The following AGO2 variants were observed in gnomAD, a reference collection of about 807,000 sequenced individuals.
The protein encoded by AGO2 is argonaute RISC catalytic component 2.
Under a neutral mutation model 102.3 loss-of-function variants are expected in AGO2, and 5 were observed. The observed-to-expected ratio is 0.05, with a 90% CI of 0.03 to 0.10. The LOEUF is 0.10. Ranked by LOEUF, AGO2 falls within the 10% of genes least tolerant of loss-of-function variation. AGO2 has a pLI of 1.00. For synonymous variants in AGO2, 449 were observed against 473.1 expected (o/e 0.95, Z 0.66); for missense variants, 541 against 1,183.7 (o/e 0.46, Z 7.97).
intron 1 of AGO2, among the ~76,000 whole-genome samples, chr8:140,587,968 C>T (rs1379477606): frequency 6.6e-6 from 1 of 152,154 alleles, no homozygotes; most frequent in Non-Finnish European, 1.5e-5. Flanking sequence ...ATCCAAGACT[C>T]GACCTCACCT....
chr8:140,589,133 T>C lies in AGO2; in HGVS notation c.23-3822A>G, dbSNP rs1364897482. Among the ~76,000 whole-genome samples the C allele has an allele frequency of 1.3e-5, 2 of 152,154 alleles. No individual in the cohort carries two copies. The highest frequency in any genetic ancestry group is 4.8e-5 in the African/African-American group (2 of 41,430). On this transcript the variant is annotated intron_variant, in intron 1 of 18. Transcript: ENST00000220592. The surrounding 1 kb of genome is among the most constrained non-coding windows in gnomAD (Gnocchi z 4.2). ...TCGGAGTTGGCTCCTCCCCGACTTT[T>C]CAGGGAGGGATGTGGAGCAGACTCT...
Position 140,556,007 on chromosome 8 carries a change from T to C in AGO2, c.1158A>G (p.Ala386=), listed in dbSNP as rs761733485. The change falls in exon 10 of 19, where the codon GCA becomes GCG. Residue 386 remains alanine (A), a synonymous_variant. Coordinates refer to ENST00000220592, the MANE Select transcript of AGO2 (RefSeq NM_012154.5). Reference sequence around the variant, plus strand: ...GGACGTATGGATCTGTGTTGAAACTTGCACTTCGCATCTGGCAAAGGGAAA... The same window carrying C: ...GGACGTATGGATCTGTGTTGAAACTCGCACTTCGCATCTGGCAAAGGGAAA... The part of the protein sequence containing the change: ...QEEISKLMRS[A]SFNTDPYVRE... The C allele has an allele frequency of 6.2e-7, 1 of 1,614,170 alleles. No homozygotes were observed.
chr8:140,572,983 G>A (rs1270488439), intron 2 of AGO2, 51 bp from the exon 3 acceptor site: 4 of 1,568,580 alleles, frequency 2.6e-6, no homozygotes, highest in Non-Finnish European at 2.6e-6. Context: ...GGAGAAAATG[G>A]CATACAAGGA....
At chr8:140,544,536 C>T (rs1300012700) in intron 13 of AGO2, among the ~76,000 whole-genome samples, 1 of 151,826 alleles carries the variant, frequency 6.6e-6, no homozygotes, top group African/African-American at 2.4e-5. Context: ...GTACTCCAGA[C>T]CAGATGGGCC....
At position 140,566,918 on chromosome 8, in the gene AGO2, G is replaced by A. The variant is rs558979771; in HGVS notation, c.337-4284C>T. ...GTCCAGGTCACGGCGTGCAAGTGGAGTGAGCTTGGGAGTGGGAGAGCGCGT... is the reference window on the plus strand; with the variant it reads ...GTCCAGGTCACGGCGTGCAAGTGGAATGAGCTTGGGAGTGGGAGAGCGCGT... On this transcript the variant is annotated intron_variant, in intron 3 of 18. Coordinates refer to ENST00000220592, the MANE Select transcript of AGO2 (RefSeq NM_012154.5). Among the ~76,000 whole-genome samples, 4 of 152,364 alleles carry A rather than the reference G, an allele frequency of 2.6e-5. No homozygotes were observed. In the South Asian group the frequency reaches 8.3e-4, roughly 32 times the overall value.
chr8:140,573,242 T>G (rs1472062812), intron 2 of AGO2, among the ~76,000 whole-genome samples: 8 of 152,088 alleles, frequency 5.3e-5, no homozygotes, highest in Non-Finnish European at 1.2e-4. Flanking sequence ...CGATCTTGGC[T>G]CACTGCAATC....
At chr8:140,532,837 A>G (rs1043991806) in intron 17 of AGO2, 2 of 469,182 alleles carry the variant, frequency 4.3e-6, no homozygotes, top group East Asian at 4.0e-5. Flanking sequence ...TCTACTAAAA[A>G]TACAAAAAAA....
intron 1 of AGO2, among the ~76,000 whole-genome samples, chr8:140,606,761 AC>A (rs2074003343): frequency 6.6e-6 from 1 of 150,990 alleles, no homozygotes; most frequent in South Asian, 2.1e-4. Context: ...ACATGGCAAA[AC>A]CCCGTCTCTA....
At chr8:140,592,224 T>G (rs1462073709) in intron 1 of AGO2, 1 of 152,228 alleles carries the variant, frequency 6.6e-6, no homozygotes, top group Non-Finnish European at 1.5e-5. Flanking sequence ...GGGCAACTGA[T>G]GAGACCACAG....
intron 10 of AGO2, among the ~76,000 whole-genome samples, chr8:140,553,871 G>C (rs1328198909): frequency 1.3e-5 from 2 of 151,672 alleles, no homozygotes; most frequent in East Asian, 3.9e-4. Context: ...GCTAATTTTT[G>C]TATTTTTTAG....
At chr8:140,616,538 T>C (rs1244970575) in intron 1 of AGO2, among the ~76,000 whole-genome samples, 1 of 152,198 alleles carries the variant, frequency 6.6e-6, no homozygotes, top group African/African-American at 2.4e-5. Flanking sequence ...TAAAATACAA[T>C]GCATTATGGT....
chr8:140,606,936 AAAT>A (rs982785436), intron 1 of AGO2, among the ~76,000 whole-genome samples: 6 of 150,454 alleles, frequency 4.0e-5, no homozygotes, highest in Admixed American at 6.7e-5. Context: ...GACTGCCTCA[AAAT>A]AATAATAATA....
Position 140,540,385 on chromosome 8 carries a change from G to A in AGO2, c.2034+779C>T, listed in dbSNP as rs573396821. Among the ~76,000 whole-genome samples, 1 of 152,306 alleles carries A rather than the reference G, an allele frequency of 6.6e-6. No individual in the cohort carries two copies. The highest frequency in any genetic ancestry group is 2.4e-5 in the African/African-American group (1 of 41,584). On this transcript the variant is annotated intron_variant, in intron 15 of 18. Coordinates refer to ENST00000220592, the MANE Select transcript of AGO2 (RefSeq NM_012154.5). The surrounding 1 kb of genome is among the most constrained non-coding windows in gnomAD (Gnocchi z 5.0). Reference sequence around the variant, plus strand: ...CTCCTCCCCCAACATGCCTGGGGCCGCTTTCTTCTGCTTTTCTTGCTAACA... The same window carrying A: ...CTCCTCCCCCAACATGCCTGGGGCCACTTTCTTCTGCTTTTCTTGCTAACA...
At chr8:140,619,747 C>T (rs896013614) in intron 1 of AGO2, among the ~76,000 whole-genome samples, 1 of 152,156 alleles carries the variant, frequency 6.6e-6, no homozygotes, top group Non-Finnish European at 1.5e-5. Flanking sequence ...TAGGTTTCAA[C>T]GAATAAGCAA....
chr8:140,555,964 C>T lies in AGO2; in HGVS notation c.1201G>A (p.Val401Ile). Residue 401 changes from valine to isoleucine, a missense_variant, in exon 10 of 19, where the codon GTC becomes ATC. This residue lies in a region of AGO2 where 309 missense variants were observed against 735.1 expected (regional missense o/e 0.42). Transcript: ENST00000220592. ...DPYVREFGIMVKDEMTDVTGR... is the reference protein window; with the variant it reads ...DPYVREFGIMIKDEMTDVTGR... Reference sequence around the variant, plus strand: ...GTCACGTCTGTCATCTCATCTTTGACCATGATTCCAAATTCACGGACGTAT... The same window carrying T: ...GTCACGTCTGTCATCTCATCTTTGATCATGATTCCAAATTCACGGACGTAT... The T allele has an allele frequency of 6.2e-7, 1 of 1,614,218 alleles. No homozygotes were observed. The highest frequency in any genetic ancestry group is 8.5e-7 in the Non-Finnish European group (1 of 1,180,042).
intron 17 of AGO2, 91 bp from the exon 18 acceptor site, chr8:140,532,706 T>C: frequency 1.5e-6 from 2 of 1,371,120 alleles, no homozygotes; most frequent in South Asian, 2.6e-5. Flanking sequence ...TTATTAAAAA[T>C]GCATCATAGT....
intron 6 of AGO2, 23 bp downstream of exon 6, chr8:140,559,372 G>A: frequency 6.2e-7 from 1 of 1,610,736 alleles, no homozygotes; most frequent in Non-Finnish European, 8.5e-7. Flanking sequence ...CCCTCAGCCA[G>A]GTGTGCTGGG....
At chr8:140,601,404 G>C (rs2073932223) in intron 1 of AGO2, among the ~76,000 whole-genome samples, 1 of 152,186 alleles carries the variant, frequency 6.6e-6, no homozygotes, top group Non-Finnish European at 1.5e-5. Flanking sequence ...CTTGCCACCT[G>C]GCACACTACA....
At chr8:140,585,502 C>A (rs2073642548) in intron 1 of AGO2, among the ~76,000 whole-genome samples, 191 bp from the exon 2 acceptor site, 1 of 152,216 alleles carries the variant, frequency 6.6e-6, no homozygotes, top group South Asian at 2.1e-4. Flanking sequence ...CATAACAACT[C>A]ATTGGTGATC....
Sources: gnomAD v4.1 joint callset for allele counts (sites outside exome capture counted in the v4.1 genomes callset) on GRCh38, gnomAD v4.1.1 for gene constraint, gnomAD v4.1.1 regional missense constraint, Gnocchi (gnomAD v3.1) non-coding constraint, MANE v1.5 for transcripts, NCBI Gene and HGNC (gene_info 2026-07-23, HGNC 2026-07-21) for gene names.